The following CNTN5 variants were observed in gnomAD, a reference collection of about 807,000 sequenced individuals.
CNTN5 encodes contactin 5, also known as contactin-5.
Under a neutral mutation model 129.1 loss-of-function variants are expected in CNTN5, and 77 were observed. The observed-to-expected ratio is 0.60, with a 90% CI of 0.50 to 0.72. The LOEUF is 0.72. Ranked by LOEUF, CNTN5 falls within the 30% of genes least tolerant of loss-of-function variation. CNTN5 has a pLI of 0.00. For missense variants in CNTN5, 1,478 were observed against 1,328.8 expected (o/e 1.11, Z -1.75); for synonymous variants, 509 against 465.6 (o/e 1.09, Z -1.20).
chr11:99,977,873 ATTG>A (rs1183768103), intron 8 of CNTN5, among the ~76,000 whole-genome samples: 1 of 152,190 alleles, frequency 6.6e-6, no homozygotes, highest in Non-Finnish European at 1.5e-5. Flanking sequence ...ATTCCACTAA[ATTG>A]TTGTTTAGGT....
intron 1 of CNTN5, among the ~76,000 whole-genome samples, chr11:99,266,728 C>A (rs1591443882): frequency 6.6e-6 from 1 of 152,070 alleles, no homozygotes; most frequent in Non-Finnish European, 1.5e-5. Flanking sequence ...AAAGCCTATG[C>A]CATTTTTTAT....
chr11:100,078,968 AT>A (rs1565220223), intron 13 of CNTN5, among the ~76,000 whole-genome samples: 2 of 152,160 alleles, frequency 1.3e-5, no homozygotes, highest in Non-Finnish European at 2.9e-5. Flanking sequence ...GAAACGTACA[AT>A]CATGGCGTAA....
At chr11:99,918,184 T>G (rs548031775) in intron 7 of CNTN5, among the ~76,000 whole-genome samples, 1 of 152,180 alleles carries the variant, frequency 6.6e-6, no homozygotes, top group East Asian at 1.9e-4. Flanking sequence ...ATTATCATAT[T>G]CTTTTATACA....
intron 15 of CNTN5, among the ~76,000 whole-genome samples, chr11:100,217,804 A>G (rs1002922322): frequency 2.0e-5 from 3 of 152,134 alleles, no homozygotes; most frequent in African/African-American, 7.2e-5. Context: ...TACTGAGGAG[A>G]TTTCAAGAGA....
chr11:99,863,267 A>C (rs1253192852), intron 6 of CNTN5, among the ~76,000 whole-genome samples: 1 of 152,106 alleles, frequency 6.6e-6, no homozygotes, highest in Non-Finnish European at 1.5e-5. Context: ...TAGAAGGACA[A>C]AGTCAATGAG....
intron 3 of CNTN5, among the ~76,000 whole-genome samples, chr11:99,788,806 A>G (rs1945630828): frequency 6.6e-6 from 1 of 151,960 alleles, no homozygotes; most frequent in Middle Eastern, 3.4e-3. Flanking sequence ...TCGTGTGTAT[A>G]TTTTCATTGT....
At chr11:99,947,982 A>G (rs189694173) in intron 7 of CNTN5, among the ~76,000 whole-genome samples, 79 of 152,294 alleles carry the variant, frequency 5.2e-4, no homozygotes, top group African/African-American at 1.9e-3. Flanking sequence ...ATAAATGACA[A>G]TTATCCTTTG....
At chr11:99,203,596 G>T (rs990931457) in intron 1 of CNTN5, among the ~76,000 whole-genome samples, 1 of 151,384 alleles carries the variant, frequency 6.6e-6, no homozygotes, top group African/African-American at 2.4e-5. Flanking sequence ...TTTTTGGGTG[G>T]GGGGTGGTGG....
intron 7 of CNTN5, among the ~76,000 whole-genome samples, chr11:99,947,244 C>T (rs530057435): frequency 2.6e-5 from 4 of 151,456 alleles, no homozygotes; most frequent in African/African-American, 9.7e-5. Context: ...AAAAAAACCC[C>T]AGCCAAAACT....
chr11:100,251,664 T>C (rs1261579107), intron 16 of CNTN5, among the ~76,000 whole-genome samples: 1 of 152,148 alleles, frequency 6.6e-6, no homozygotes, highest in Admixed American at 6.6e-5. Context: ...AGTGAGAACA[T>C]GTGGTGTTTA....
chr11:99,641,790 G>A (rs1690811), intron 3 of CNTN5, among the ~76,000 whole-genome samples: 2 of 151,780 alleles, frequency 1.3e-5, no homozygotes, highest in Admixed American at 6.6e-5. Flanking sequence ...CCCTCCCTTT[G>A]CCTATCTCCC....
Position 100,054,080 on chromosome 11 carries a change from T to G in CNTN5, c.981-7132T>G, listed in dbSNP as rs143441636. Among the ~76,000 whole-genome samples the G allele has an allele frequency of 9.6e-4, 146 of 151,848 alleles. 1 individual carries two copies. Among genetic ancestry groups the G allele is most frequent in the African/African-American group, 3.5e-3 (144 of 41,524 alleles). ...TGGGTGAAATAATTGGGAAGAGATA[T>G]GAGGAAGAACTTGGGGTTTATAAAA... On this transcript the variant is annotated intron_variant, in intron 9 of 24. Transcript: ENST00000524871.
chr11:99,345,405 T>C (rs1164432042), intron 2 of CNTN5, among the ~76,000 whole-genome samples: 1 of 152,174 alleles, frequency 6.6e-6, no homozygotes. Flanking sequence ...TTCACCTTTG[T>C]ACACAGGCAT....
intron 1 of CNTN5, among the ~76,000 whole-genome samples, chr11:99,079,625 A>T (rs1464423621): frequency 6.6e-6 from 1 of 152,210 alleles, no homozygotes; most frequent in African/African-American, 2.4e-5. Context: ...TGATGTATCC[A>T]GTGCCTACCT....
intron 3 of CNTN5, among the ~76,000 whole-genome samples, chr11:99,723,538 C>T (rs1943240816): frequency 6.6e-6 from 1 of 152,144 alleles, no homozygotes; most frequent in African/African-American, 2.4e-5. Context: ...TACCACCACA[C>T]CTATCTTGCA....
At chr11:100,117,872 C>T (rs887582869) in intron 13 of CNTN5, among the ~76,000 whole-genome samples, 10 of 151,760 alleles carry the variant, frequency 6.6e-5, no homozygotes, top group South Asian at 2.1e-4. Flanking sequence ...TTCTCCACTA[C>T]GGCATTAATG....
At chr11:99,270,784 A>C (rs1863134128) in intron 1 of CNTN5, among the ~76,000 whole-genome samples, 1 of 152,010 alleles carries the variant, frequency 6.6e-6, no homozygotes, top group Admixed American at 6.6e-5. Flanking sequence ...CCACTTTGAA[A>C]CATGGTGCCA....
intron 6 of CNTN5, among the ~76,000 whole-genome samples, chr11:99,888,642 A>G (rs1948963343): frequency 6.6e-6 from 1 of 152,226 alleles, no homozygotes; most frequent in Non-Finnish European, 1.5e-5. Flanking sequence ...TTAGGCATTG[A>G]TTCATTCTTG....
At chr11:100,264,957 T>G (rs1037756829) in intron 17 of CNTN5, among the ~76,000 whole-genome samples, 2 of 152,158 alleles carry the variant, frequency 1.3e-5, no homozygotes, top group Non-Finnish European at 2.9e-5. Context: ...TCATTGTAAT[T>G]CTGATTTGCA....
Sources: gnomAD v4.1 joint callset for allele counts (sites outside exome capture counted in the v4.1 genomes callset) on GRCh38, gnomAD v4.1.1 for gene constraint, MANE v1.5 for transcripts, NCBI Gene and HGNC (gene_info 2026-07-23, HGNC 2026-07-21) for gene names.